The following CBLC variants were observed in gnomAD, a reference collection of about 807,000 sequenced individuals.
CBLC encodes the protein E3 ubiquitin-protein ligase CBL-C.
In CBLC, 46 loss-of-function variants were observed where a neutral mutation model predicts 58.6. That is an observed-to-expected ratio of 0.79 (90% CI 0.62 to 1.00). The LOEUF (loss-of-function observed/expected upper bound fraction) is 1.00. CBLC is among the 50% of genes least tolerant of loss of function. CBLC has a pLI of 0.00. For synonymous variants in CBLC, 271 were observed against 264.2 expected (o/e 1.03, Z -0.25); for missense variants, 655 against 625.8 (o/e 1.05, Z -0.50).
At chr19:44,798,289 C>T (rs574806469) in intron 9 of CBLC, among the ~76,000 whole-genome samples, 23 of 150,930 alleles carry the variant, frequency 1.5e-4, no homozygotes, top group African/African-American at 5.7e-4. Flanking sequence ...CTCCTGGGCT[C>T]AAGTCTCCCA....
At chr19:44,780,763 A>G (rs1183954845) in intron 1 of CBLC, 142 bp from the exon 2 acceptor site, 7 of 862,956 alleles carry the variant, frequency 8.1e-6, no homozygotes, top group Middle Eastern at 2.4e-4. Flanking sequence ...GTGAGCCACC[A>G]CGCCCAGCAG....
chr19:44,797,831 T>C (rs28534944), intron 9 of CBLC, among the ~76,000 whole-genome samples: 15,897 of 151,846 alleles, frequency 0.1, 910 homozygotes, highest in South Asian at 0.19. Flanking sequence ...GCCTCAATCT[T>C]CTGGGCTCAA....
intron 5 of CBLC, among the ~76,000 whole-genome samples, chr19:44,784,950 G>GTTTGTTTTTTTTT (rs1967850075): frequency 1.2e-4 from 4 of 34,372 alleles, no homozygotes; most frequent in Admixed American, 7.9e-4. Flanking sequence ...CTAGACAGGT[G>GTTTGTTTTTTTTT]TTTTTTTTTT....
rs868030794 is a variant in CBLC at position 44,782,965 on chromosome 19, G to A, written c.779+474G>A. On this transcript the variant is annotated intron_variant, in intron 4 of 10. Transcript: ENST00000647358. ...AGAGAAGAGAAGGTCAGGTTTGTGA[G>A]TCTCTGCAGGGCTGAGGTGCAGGGG... 1.1e-4 allele frequency among the ~76,000 whole-genome samples: 16 copies of A among 152,194 alleles called. No homozygotes were observed. In the South Asian group the frequency reaches 2.1e-3, roughly 20 times the overall value.
chr19:44,790,264 C>T (rs908191555), intron 6 of CBLC, among the ~76,000 whole-genome samples, 173 bp downstream of exon 6: 4 of 152,008 alleles, frequency 2.6e-5, no homozygotes, highest in Non-Finnish European at 5.9e-5. Flanking sequence ...GCTCCTCCTG[C>T]CTCTTTCCCA....
intron 9 of CBLC, among the ~76,000 whole-genome samples, chr19:44,796,445 A>G (rs1968179855): frequency 6.6e-6 from 1 of 151,978 alleles, no homozygotes; most frequent in Non-Finnish European, 1.5e-5. Flanking sequence ...GTGAAATATT[A>G]TGATCTCAGC....
In CBLC at chr19:44,782,487, GGCAGGTAAAGGGTCCAGGGCTCA is replaced by G. The variant is rs1160734263; in HGVS notation, c.779+1_779+23del. On this transcript the variant is annotated splice_donor_variant and splice_donor_5th_base_variant and coding_sequence_variant and intron_variant, in exon 4 of 11. Coordinates refer to ENST00000647358, the MANE Select transcript of CBLC (RefSeq NM_012116.4). LOFTEE classifies it high-confidence loss of function. ...TCTGCAGGCCTGCAGGGACAAGCCAGGCAGGTAAAGGGTCCAGGGCTCAGCAGAACAAGGCTGCAGGGCTCAGG... is the reference window on the plus strand; with the variant it reads ...TCTGCAGGCCTGCAGGGACAAGCCAGGCAGAACAAGGCTGCAGGGCTCAGG... 6 of 1,613,132 alleles carry G rather than the reference GGCAGGTAAAGGGTCCAGGGCTCA, an allele frequency of 3.7e-6. No individual in the cohort carries two copies. Among genetic ancestry groups the G allele is most frequent in the Non-Finnish European group, 5.1e-6 (6 of 1,179,376 alleles).
chr19:44,780,594 T>G (rs961678238), intron 1 of CBLC, among the ~76,000 whole-genome samples: 5 of 148,930 alleles, frequency 3.4e-5, no homozygotes, highest in Non-Finnish European at 7.4e-5. Context: ...TGCCTCAGCC[T>G]CCTGAGTAGC....
In CBLC at chr19:44,793,467, C is replaced by T. The variant is rs543773390; in HGVS notation, c.1138-7C>T. Reference sequence around the variant, plus strand: ...GCACTGACCCTTTCCCTCCCGACCTCCCCCAGCACTCGGACAGCCAGACCT... The same window carrying T: ...GCACTGACCCTTTCCCTCCCGACCTTCCCCAGCACTCGGACAGCCAGACCT... On this transcript the variant is annotated splice_polypyrimidine_tract_variant and splice_region_variant and intron_variant, in intron 7 of 10. Transcript: ENST00000647358. The T allele has an allele frequency of 1.2e-6, 2 of 1,602,950 alleles. No homozygotes were observed. The highest frequency in any genetic ancestry group is 3.5e-5 in the Admixed American group (2 of 57,180).
At chr19:44,790,252 C>T (rs1180354762) in intron 6 of CBLC, among the ~76,000 whole-genome samples, 161 bp downstream of exon 6, 5 of 151,946 alleles carry the variant, frequency 3.3e-5, no homozygotes, top group Non-Finnish European at 2.9e-5. Flanking sequence ...CCGGAAAATA[C>T]GGCTCCTCCT....
At chr19:44,795,885 G>C (rs1968168847) in intron 9 of CBLC, among the ~76,000 whole-genome samples, 1 of 152,154 alleles carries the variant, frequency 6.6e-6, no homozygotes, top group Non-Finnish European at 1.5e-5. Context: ...TGAATACACT[G>C]AAGTGAGTCT....
intron 1 of CBLC, 92 bp downstream of exon 1, chr19:44,778,376 C>T: frequency 2.4e-6 from 3 of 1,242,520 alleles, no homozygotes; most frequent in Non-Finnish European, 3.1e-6. Context: ...CTTAGGCCCC[C>T]ACCCCCTCCT....
intron 1 of CBLC, among the ~76,000 whole-genome samples, chr19:44,779,185 C>G (rs1967657630): frequency 6.6e-6 from 1 of 152,172 alleles, no homozygotes; most frequent in Non-Finnish European, 1.5e-5. Context: ...TTGGCCTGGT[C>G]TGGCTGGGTA....
At chr19:44,792,575 C>A in intron 7 of CBLC, 61 bp downstream of exon 7, 1 of 1,457,472 alleles carries the variant, frequency 6.9e-7, no homozygotes, top group Non-Finnish European at 9.1e-7. Context: ...GGGAAAGCCC[C>A]AAAAGGATCT....
chr19:44,800,301 C>A, intron 9 of CBLC, 80 bp from the exon 10 acceptor site: 2 of 1,034,222 alleles, frequency 1.9e-6, no homozygotes, highest in Non-Finnish European at 3.0e-6. Flanking sequence ...AGGTCTAAGA[C>A]AAAGGGGACA....
chr19:44,798,242 G>T (rs568556381), intron 9 of CBLC, among the ~76,000 whole-genome samples: 2 of 152,044 alleles, frequency 1.3e-5, no homozygotes, highest in Non-Finnish European at 2.9e-5. Context: ...TTTAATTAGA[G>T]ACAGAGTCTC....
chr19:44,782,948 G>T (rs1330721319), intron 4 of CBLC, among the ~76,000 whole-genome samples: 1 of 152,204 alleles, frequency 6.6e-6, no homozygotes, highest in Admixed American at 6.5e-5. Context: ...CAAGAGAAGA[G>T]AAGGTCAGGT....
chr19:44,797,666 A>G (rs1207078177), intron 9 of CBLC, among the ~76,000 whole-genome samples: 1 of 148,166 alleles, frequency 6.7e-6, no homozygotes, highest in Non-Finnish European at 1.5e-5. Context: ...GAGGCAGGAG[A>G]ATCGCTTGAA....
intron 9 of CBLC, among the ~76,000 whole-genome samples, chr19:44,797,902 G>A (rs773543851): frequency 4.2e-5 from 6 of 143,526 alleles, no homozygotes; most frequent in East Asian, 2.0e-4. Flanking sequence ...CTCCACACCC[G>A]AATCATTTTT....
Sources: allele counts gnomAD v4.1 joint callset (sites outside exome capture counted in the v4.1 genomes callset), GRCh38; gene constraint gnomAD v4.1.1; transcripts MANE v1.5; gene names NCBI Gene and HGNC (gene_info 2026-07-23, HGNC 2026-07-21).